PHF14: variants seen among roughly 807,000 people sequenced by gnomAD.
PHF14 encodes the protein PHD finger protein 14.
Under a neutral mutation model 117.9 loss-of-function variants are expected in PHF14, and 55 were observed. The observed-to-expected ratio is 0.47, with a 90% CI of 0.38 to 0.58. The LOEUF (loss-of-function observed/expected upper bound fraction) is 0.58, where lower values mean the gene tolerates loss of function less well. PHF14 is among the 20% of genes least tolerant of loss of function. The probability of loss-of-function intolerance (pLI) is 0.00; values close to 1 mark genes in which losing one functional copy is unlikely to be tolerated. For missense variants in PHF14, 978 were observed against 1,122.2 expected (o/e 0.87, Z 1.84); for synonymous variants, 409 against 368.6 (o/e 1.11, Z -1.26).
intron 13 of PHF14, 72 bp from the exon 14 acceptor site, chr7:11,051,540 A>G: frequency 1.6e-6 from 2 of 1,240,272 alleles, no homozygotes; most frequent in South Asian, 1.6e-5. Flanking sequence ...TGGATTTTGT[A>G]TTTATAAAAA....
chr7:11,159,261 G>C (rs1328132058), intron 17 of PHF14, among the ~76,000 whole-genome samples: 1 of 151,736 alleles, frequency 6.6e-6, no homozygotes, highest in African/African-American at 2.4e-5. Context: ...TTTGTTTTTG[G>C]TTTTTGACAT....
intron 4 of PHF14, among the ~76,000 whole-genome samples, chr7:10,996,495 C>T (rs1782650351): frequency 6.6e-6 from 1 of 151,924 alleles, no homozygotes; most frequent in African/African-American, 2.4e-5. Context: ...AAAAGAGAGT[C>T]AGTAAATGTG....
At chr7:11,127,174 C>G (rs1395473805) in intron 17 of PHF14, among the ~76,000 whole-genome samples, 1 of 151,650 alleles carries the variant, frequency 6.6e-6, no homozygotes, top group Non-Finnish European at 1.5e-5. Flanking sequence ...CTCAGCAGCT[C>G]AGACCTCCTT....
At chr7:11,122,810 T>C (rs987950969) in intron 17 of PHF14, among the ~76,000 whole-genome samples, 5 of 152,256 alleles carry the variant, frequency 3.3e-5, no homozygotes, top group African/African-American at 1.2e-4. Flanking sequence ...GTATATTAAA[T>C]TAGTAGTAGC....
intron 17 of PHF14, among the ~76,000 whole-genome samples, chr7:11,157,689 G>A (rs138883877): frequency 5.9e-5 from 9 of 152,200 alleles, no homozygotes; most frequent in African/African-American, 2.2e-4. Context: ...TAAACTGCAA[G>A]CGTTTAAAAA....
chr7:11,024,375 A>G (rs1045024449), intron 6 of PHF14, among the ~76,000 whole-genome samples: 3 of 152,246 alleles, frequency 2.0e-5, no homozygotes, highest in Non-Finnish European at 2.9e-5. Context: ...TTTAGCTAAG[A>G]CAAATGATGA....
rs544069009 is a variant in PHF14 at position 11,060,015 on chromosome 7, C to T, written c.2482-1776C>T. Among the ~76,000 whole-genome samples, 56 of 152,198 alleles carry T rather than the reference C, an allele frequency of 3.7e-4. 1 individual carries two copies. The highest frequency in any genetic ancestry group is 2.0e-3 in the Admixed American group (30 of 15,282). On this transcript the variant is annotated intron_variant, in intron 14 of 17. Coordinates refer to ENST00000634607, the MANE Select transcript of PHF14 (RefSeq NM_001007157.2). ...CCTCCTGAGTAGCTGGGACTACCAG[C>T]ACTCACAACCATGCCTAGCTGATTT...
intron 17 of PHF14, among the ~76,000 whole-genome samples, chr7:11,154,823 C>T (rs1788795200): frequency 6.6e-6 from 1 of 152,112 alleles, no homozygotes; most frequent in South Asian, 2.1e-4. Flanking sequence ...TGTAATCATT[C>T]ACCCACTTTA....
chr7:11,138,429 C>CT (rs1788303661), intron 17 of PHF14, among the ~76,000 whole-genome samples: 1 of 152,114 alleles, frequency 6.6e-6, no homozygotes, highest in Admixed American at 6.6e-5. Flanking sequence ...CTTTTACCCA[C>CT]TTTATCCCTT....
intron 6 of PHF14, among the ~76,000 whole-genome samples, chr7:11,023,851 G>A (rs1370630837): frequency 6.6e-6 from 1 of 152,048 alleles, no homozygotes; most frequent in Non-Finnish European, 1.5e-5. Context: ...AAGAAATTTG[G>A]CCAATTAATA....
At chr7:11,099,127 T>C (rs1786991030) in intron 16 of PHF14, among the ~76,000 whole-genome samples, 1 of 152,056 alleles carries the variant, frequency 6.6e-6, no homozygotes, top group South Asian at 2.1e-4. Context: ...GGTGGTATTC[T>C]GATGAAATTT....
intron 14 of PHF14, among the ~76,000 whole-genome samples, chr7:11,055,646 C>T (rs1245919632): frequency 2.6e-5 from 4 of 152,078 alleles, no homozygotes; most frequent in African/African-American, 4.8e-5. Context: ...GTTTTTCCAT[C>T]GCACTTAACA....
In PHF14 at chr7:11,100,346, C is replaced by T. The variant is rs142274427; in HGVS notation, c.2655-11004C>T. Among the ~76,000 whole-genome samples the T allele has an allele frequency of 1.7e-3, 264 of 152,006 alleles. 5 individuals are homozygous for T. Among genetic ancestry groups the T allele is most frequent in the African/African-American group, 6.0e-3 (248 of 41,516 alleles). ...TGATAATGTTAGATGCTTACTGTAT[C>T]CCAGACTATGTTTTCTGGTCTTTGA... is the stretch of plus-strand genomic sequence containing the variant. On this transcript the variant is annotated intron_variant, in intron 16 of 17. Transcript: ENST00000634607.
At chr7:11,058,131 C>A (rs1316669491) in intron 14 of PHF14, among the ~76,000 whole-genome samples, 1 of 152,140 alleles carries the variant, frequency 6.6e-6, no homozygotes, top group African/African-American at 2.4e-5. Context: ...AAAGTAGTTT[C>A]AGCCTCAAAA....
At chr7:11,095,205 T>A (rs1266733263) in intron 16 of PHF14, among the ~76,000 whole-genome samples, 2 of 152,214 alleles carry the variant, frequency 1.3e-5, no homozygotes. Context: ...ATTTTAATTA[T>A]TTTATACACT....
At chr7:11,062,324 C>A in intron 16 of PHF14, 2 of 287,074 alleles carry the variant, frequency 7.0e-6, no homozygotes, top group Non-Finnish European at 6.4e-6. Flanking sequence ...AATTATTTTT[C>A]TCTTGACAAG....
Position 11,042,815 on chromosome 7 carries a change from G to A in PHF14, c.2312+1G>A. 8 of 1,563,336 alleles carry A rather than the reference G, an allele frequency of 5.1e-6. No homozygotes were observed. Among genetic ancestry groups the A allele is most frequent in the Non-Finnish European group, 7.0e-6 (8 of 1,148,684 alleles). On this transcript the variant is annotated splice_donor_variant, in intron 13 of 17. Transcript: ENST00000634607. LOFTEE classifies it high-confidence loss of function. ...CAAGAAAGACCAAAAACAGTTATTG[G>A]TGAGTAAAATAGAGGAGATTTAGAT...
chr7:11,012,315 C>G (rs1218187279), intron 4 of PHF14, among the ~76,000 whole-genome samples: 1 of 148,634 alleles, frequency 6.7e-6, no homozygotes, highest in African/African-American at 2.6e-5. Context: ...CTCAGTATAC[C>G]TAGGGAATTG....
chr7:11,112,522 A>G (rs1230209736), intron 17 of PHF14, among the ~76,000 whole-genome samples: 1 of 152,170 alleles, frequency 6.6e-6, no homozygotes, highest in African/African-American at 2.4e-5. Flanking sequence ...CTGTAATCCC[A>G]GCACTTTGGG....
Sources: gnomAD v4.1 joint callset for allele counts (sites outside exome capture counted in the v4.1 genomes callset) on GRCh38, gnomAD v4.1.1 for gene constraint, MANE v1.5 for transcripts, NCBI Gene and HGNC (gene_info 2026-07-23, HGNC 2026-07-21) for gene names.